UBR7: variants seen among roughly 807,000 people sequenced by gnomAD.
UBR7 encodes the protein ubiquitin protein ligase E3 component n-recognin 7.
Under a neutral mutation model 57.0 loss-of-function variants are expected in UBR7, and 22 were observed. The observed-to-expected ratio is 0.39, with a 90% CI of 0.28 to 0.55. UBR7 has a LOEUF of 0.55. Among genes scored for constraint, UBR7 ranks in the 20% least tolerant of loss-of-function variants. The pLI is 0.69. For missense variants in UBR7, 395 were observed against 513.2 expected, an observed-to-expected ratio of 0.77 and a Z score of 2.23; for synonymous variants, 167 against 179.8, an observed-to-expected ratio of 0.93 and a Z score of 0.57.
chr14:93,213,594 AC>A (rs1451336770), intron 4 of UBR7, among the ~76,000 whole-genome samples: 5 of 152,308 alleles, frequency 3.3e-5, no homozygotes, highest in Non-Finnish European at 7.4e-5. Context: ...GGCGTGAGCC[AC>A]CGCGCCCAGC....
intron 5 of UBR7, 66 bp from the exon 6 acceptor site, chr14:93,215,110 T>C: frequency 6.8e-7 from 1 of 1,471,562 alleles, no homozygotes; most frequent in Non-Finnish European, 9.3e-7. Flanking sequence ...ACAGTATTTA[T>C]AAAATAATGG....
chr14:93,227,323 T>G lies in UBR7; in HGVS notation c.*288T>G, dbSNP rs1286939482. On this transcript the variant is annotated 3_prime_UTR_variant, in exon 11 of 11. Coordinates refer to ENST00000013070, the MANE Select transcript of UBR7 (RefSeq NM_175748.4). ...ATAGTTTTTAAGTTTGATTTTGTTT[T>G]GAGAAAGCAAATTGGTGTCTTGTTT... 3.3e-6 allele frequency: 2 copies of G among 604,892 alleles called. No individual in the cohort carries two copies. Among genetic ancestry groups the G allele is most frequent in the East Asian group, 7.2e-5 (2 of 27,952 alleles). 37.5% of individuals were successfully genotyped at this position (604,892 alleles called of 1,614,324 possible).
At chr14:93,219,957 G>A (rs908018806) in intron 8 of UBR7, among the ~76,000 whole-genome samples, 1 of 148,396 alleles carries the variant, frequency 6.7e-6, no homozygotes, top group Admixed American at 6.8e-5. Context: ...CCTGGGCAAC[G>A]AGTGAAACTC....
intron 6 of UBR7, among the ~76,000 whole-genome samples, chr14:93,216,599 G>C (rs528089018): frequency 6.6e-6 from 1 of 150,792 alleles, no homozygotes; most frequent in East Asian, 1.9e-4. Context: ...ATTTGCCTTA[G>C]AGTTCTTTTG....
intron 1 of UBR7, 56 bp downstream of exon 1, chr14:93,207,497 C>A: frequency 6.7e-7 from 1 of 1,489,866 alleles, no homozygotes; most frequent in Non-Finnish European, 8.9e-7. Flanking sequence ...CTCCCCTTCC[C>A]GGCCCGGCTG....
chr14:93,224,120 A>G, intron 10 of UBR7: 3 of 773,924 alleles, frequency 3.9e-6, no homozygotes, highest in South Asian at 2.9e-5. Context: ...GTACTCTCAT[A>G]GTGTGCCCGA....
At chr14:93,210,035 GT>G in intron 2 of UBR7, 78 bp downstream of exon 2, 1 of 1,465,694 alleles carries the variant, frequency 6.8e-7, no homozygotes, top group South Asian at 1.2e-5. Context: ...TCCTAATCTT[GT>G]TTTTTCATGC....
Position 93,218,622 on chromosome 14 carries a change from G to A in UBR7, c.697G>A (p.Asp233Asn). The change falls in exon 7 of 11, where the codon GAT (aspartate) becomes AAT (asparagine). Residue 233 changes from aspartate to asparagine, a missense_variant. Transcript: ENST00000013070. ...VIKPENGEHQ[D>N]STLKEDVPEQ... ...CAAACCTGAAAATGGAGAGCATCAA[G>A]ATAGTACCCTCAAAGAGGATGTTCC... is the stretch of plus-strand genomic sequence containing the variant. 6.2e-7 allele frequency: 1 copy of A among 1,614,136 alleles called. No homozygotes were observed. The highest frequency in any genetic ancestry group is 8.5e-7 in the Non-Finnish European group (1 of 1,180,024).
rs1478724987 is a variant in UBR7 at position 93,220,476 on chromosome 14, C to A, written c.1123+65C>A. On this transcript the variant is annotated intron_variant, in intron 9 of 10. Transcript: ENST00000013070. Reference sequence around the variant, plus strand: ...ACTATGTAAAAAAATATAAAGGGGGCAGTAAACACCTATATTTTTAATTTA... The same window carrying A: ...ACTATGTAAAAAAATATAAAGGGGGAAGTAAACACCTATATTTTTAATTTA... 5 of 1,557,628 alleles carry A rather than the reference C, an allele frequency of 3.2e-6. No homozygotes were observed. In the East Asian group the frequency reaches 1.1e-4, roughly 35 times the overall value.
chr14:93,228,282 A>T lies in UBR7; in HGVS notation c.*1247A>T. 2.2e-6 allele frequency: 1 copy of T among 459,706 alleles called. No homozygotes were observed. Among genetic ancestry groups the T allele is most frequent in the Admixed American group, 2.3e-5 (1 of 42,708 alleles). The allele number at this position is 459,706 out of a possible 1,614,324, so 28.5% of individuals were successfully genotyped here. A position where few individuals can be genotyped will look rare whatever the true frequency, so the allele number is the denominator to read the frequency against. On this transcript the variant is annotated 3_prime_UTR_variant, in exon 11 of 11. Coordinates refer to ENST00000013070, the MANE Select transcript of UBR7 (RefSeq NM_175748.4). ...ATATGAGATCTCTTTAACACCCCTC[A>T]GTCTATGTAGGAAATGCCTTGTGAT...
At position 93,207,498 on chromosome 14, in the gene UBR7, G is replaced by C; in HGVS notation, c.150+57G>C. ...GGCTCCCGCCGAACCTCCCCTTCCC[G>C]GCCCGGCTGTCCCTATTCCCGCCTT... On this transcript the variant is annotated intron_variant, in intron 1 of 10. Coordinates refer to ENST00000013070, the MANE Select transcript of UBR7 (RefSeq NM_175748.4). 2.7e-6 allele frequency: 4 copies of C among 1,488,302 alleles called. No homozygotes were observed. In the South Asian group the frequency reaches 4.1e-5, roughly 15 times the overall value. 92.2% of individuals were successfully genotyped at this position (1,488,302 alleles called of 1,614,324 possible).
rs1566823425 is a variant in UBR7, at chr14:93,220,419, C to T, written c.1123+8C>T. On this transcript the variant is annotated splice_region_variant and intron_variant, in intron 9 of 10. Transcript: ENST00000013070. ...AAGTGGAACTCATTTGTGGTAAATACTGTGTGTGTGTGAAAATTCATCATT... is the reference window on the plus strand; with the variant it reads ...AAGTGGAACTCATTTGTGGTAAATATTGTGTGTGTGTGAAAATTCATCATT... The T allele has an allele frequency of 1.9e-6, 3 of 1,613,602 alleles. No homozygotes were observed. Among genetic ancestry groups the T allele is most frequent in the East Asian group, 2.2e-5 (1 of 44,836 alleles).
rs1304793052 is a variant in UBR7 at position 93,212,034 on chromosome 14, C to G, written c.348C>G (p.Asp116Glu). The G allele has an allele frequency of 6.2e-7, 1 of 1,608,938 alleles. No individual in the cohort carries two copies. Among genetic ancestry groups the G allele is most frequent in the Non-Finnish European group, 8.5e-7 (1 of 1,176,540 alleles). The change falls in exon 4 of 11, where the codon GAC (aspartate) becomes GAG (glutamate). Residue 116 changes from aspartate (D) to glutamate (E), a missense_variant and splice_region_variant. Coordinates refer to ENST00000013070, the MANE Select transcript of UBR7 (RefSeq NM_175748.4). ...FKNLECKLLP[D>E]KAKVNSGNKY... ...TTGAAATCAATATTATATTTCAGGA[C>G]AAAGCAAAGGTAAATTCTGGCAATA...
intron 3 of UBR7, among the ~76,000 whole-genome samples, chr14:93,211,581 G>T (rs1215291590): frequency 6.6e-6 from 1 of 151,730 alleles, no homozygotes; most frequent in East Asian, 1.9e-4. Context: ...AATAAATAAG[G>T]CTGGGCGTGG....
At chr14:93,223,656 C>G in intron 10 of UBR7, 2 of 1,385,698 alleles carry the variant, frequency 1.4e-6, no homozygotes. Flanking sequence ...ACGGGCAGGA[C>G]CCGGTGGGGC....
At chr14:93,211,141 G>C (rs1894473027) in intron 3 of UBR7, among the ~76,000 whole-genome samples, 1 of 152,166 alleles carries the variant, frequency 6.6e-6, no homozygotes, top group African/African-American at 2.4e-5. Context: ...TTGGGAGGCT[G>C]AGGCAGGAGA....
intron 10 of UBR7, chr14:93,223,660 G>C: frequency 7.2e-7 from 1 of 1,385,148 alleles, no homozygotes; most frequent in Admixed American, 1.8e-5. Context: ...GCAGGACCCG[G>C]TGGGGCAGCG....
At chr14:93,224,355 C>G (rs1181365557) in intron 10 of UBR7, among the ~76,000 whole-genome samples, 5 of 147,836 alleles carry the variant, frequency 3.4e-5, no homozygotes, top group Non-Finnish European at 5.9e-5. Context: ...GAGAACAATT[C>G]CTACTTCCTT....
chr14:93,227,326 G>C lies in UBR7; in HGVS notation c.*291G>C. On this transcript the variant is annotated 3_prime_UTR_variant, in exon 11 of 11. Coordinates refer to ENST00000013070, the MANE Select transcript of UBR7 (RefSeq NM_175748.4). Reference sequence around the variant, plus strand: ...GTTTTTAAGTTTGATTTTGTTTTGAGAAAGCAAATTGGTGTCTTGTTTAAT... The same window carrying C: ...GTTTTTAAGTTTGATTTTGTTTTGACAAAGCAAATTGGTGTCTTGTTTAAT... 1 of 606,720 alleles carries C rather than the reference G, an allele frequency of 1.6e-6. No individual in the cohort carries two copies. Among genetic ancestry groups the C allele is most frequent in the Non-Finnish European group, 3.1e-6 (1 of 326,426 alleles). 37.6% of individuals were successfully genotyped at this position (606,720 alleles called of 1,614,324 possible).
Sources: allele counts gnomAD v4.1 joint callset (sites outside exome capture counted in the v4.1 genomes callset), GRCh38; gene constraint gnomAD v4.1.1; transcripts MANE v1.5; gene names NCBI Gene and HGNC (gene_info 2026-07-23, HGNC 2026-07-21).